Variants in ARHGAP31 observed in about 807,000 individuals in gnomAD.
ARHGAP31 encodes the protein Rho GTPase activating protein 31, also known as rho GTPase-activating protein 31.
A neutral mutation model predicts 113.9 loss-of-function variants in ARHGAP31; 34 were observed. The ratio of observed to expected loss-of-function variants is 0.30; its 90% CI spans 0.23 to 0.40. The LOEUF (loss-of-function observed/expected upper bound fraction) is 0.40. Among genes scored for constraint, ARHGAP31 ranks in the 10% least tolerant of loss-of-function variants. ARHGAP31 has a pLI of 1.00. For synonymous variants in ARHGAP31, 650 were observed against 684.8 expected, an observed-to-expected ratio of 0.95 and a Z score of 0.79; for missense variants, 1,548 against 1,767.1, an observed-to-expected ratio of 0.88 and a Z score of 2.22.
At chr3:119,377,752 CTT>C (rs5852201) in intron 3 of ARHGAP31, among the ~76,000 whole-genome samples, 17 of 141,472 alleles carry the variant, frequency 1.2e-4, no homozygotes, top group Admixed American at 1.4e-4. Flanking sequence ...GGATGCTTTC[CTT>C]TTTTTTTTTT....
intron 9 of ARHGAP31, among the ~76,000 whole-genome samples, chr3:119,400,646 G>A (rs2080595217): frequency 6.6e-6 from 1 of 152,086 alleles, no homozygotes; most frequent in Admixed American, 6.5e-5. Flanking sequence ...CATGGCATGT[G>A]AGTATTAGGT....
intron 1 of ARHGAP31, among the ~76,000 whole-genome samples, chr3:119,321,797 C>T (rs1292863313): frequency 6.6e-6 from 1 of 152,136 alleles, no homozygotes; most frequent in Non-Finnish European, 1.5e-5. Flanking sequence ...TATAGGCCCA[C>T]ACCACCACGC....
intron 1 of ARHGAP31, among the ~76,000 whole-genome samples, chr3:119,348,296 A>C (rs1014891974): frequency 1.3e-5 from 2 of 152,238 alleles, no homozygotes; most frequent in Non-Finnish European, 1.5e-5. Context: ...AGTACACAAT[A>C]AAGGTAATGT....
chr3:119,416,501 G>C lies in ARHGAP31; in HGVS notation c.*237G>C, dbSNP rs1265673701. ...TATGTGAGCAAGTGAGAGAAGGTTAGGTAAGGGGAGAGGATGGAATGCTTG... is the reference window on the plus strand; with the variant it reads ...TATGTGAGCAAGTGAGAGAAGGTTACGTAAGGGGAGAGGATGGAATGCTTG... On this transcript the variant is annotated 3_prime_UTR_variant, in exon 12 of 12. Transcript: ENST00000264245. 1 of 565,538 alleles carries C rather than the reference G, an allele frequency of 1.8e-6. No homozygotes were observed. The highest frequency in any genetic ancestry group is 3.1e-6 in the Non-Finnish European group (1 of 321,142). 35.0% of individuals were successfully genotyped at this position (565,538 alleles called of 1,614,324 possible).
intron 8 of ARHGAP31, among the ~76,000 whole-genome samples, chr3:119,397,659 C>T (rs993265224): frequency 1.3e-5 from 2 of 152,232 alleles, no homozygotes; most frequent in African/African-American, 4.8e-5. Flanking sequence ...AAGCCTCAAG[C>T]TGGGAGACCA....
At chr3:119,356,518 C>T (rs1380000060) in intron 1 of ARHGAP31, among the ~76,000 whole-genome samples, 1 of 151,902 alleles carries the variant, frequency 6.6e-6, no homozygotes, top group Non-Finnish European at 1.5e-5. Context: ...GTAATCCCAG[C>T]TACTCAGGAG....
At chr3:119,320,442 A>C (rs2079772229) in intron 1 of ARHGAP31, among the ~76,000 whole-genome samples, 1 of 152,220 alleles carries the variant, frequency 6.6e-6, no homozygotes, top group African/African-American at 2.4e-5. Context: ...TGGTATCAAC[A>C]ACCTTGGGCC....
Position 119,402,126 on chromosome 3 carries a change from C to G in ARHGAP31, c.1374C>G (p.Asn458Lys). The change falls in exon 10 of 12, where the codon AAC becomes AAG. Residue 458 changes from asparagine to lysine, a missense_variant. Coordinates refer to ENST00000264245, the MANE Select transcript of ARHGAP31 (RefSeq NM_020754.4). The part of the protein sequence containing the change: ...PKMLGMFYTS[N>K]DSPSKSVFTS... ...TGTTGGGTATGTTCTACACTTCGAA[C>G]GACAGCCCTAGCAAATCCGTCTTCA... 1 of 1,614,242 alleles carries G rather than the reference C, an allele frequency of 6.2e-7. No individual in the cohort carries two copies. Among genetic ancestry groups the G allele is most frequent in the Non-Finnish European group, 8.5e-7 (1 of 1,180,044 alleles).
At chr3:119,398,679 A>G (rs1168490941) in intron 8 of ARHGAP31, among the ~76,000 whole-genome samples, 2 of 152,220 alleles carry the variant, frequency 1.3e-5, no homozygotes, top group East Asian at 3.8e-4. Flanking sequence ...CTAATGGGTG[A>G]GATCACTGGG....
intron 1 of ARHGAP31, among the ~76,000 whole-genome samples, chr3:119,332,810 G>C (rs2079907098): frequency 6.6e-6 from 1 of 152,064 alleles, no homozygotes; most frequent in African/African-American, 2.4e-5. Flanking sequence ...CATGGTCTTT[G>C]TCCCTGACTT....
Position 119,390,843 on chromosome 3 carries a change from G to T in ARHGAP31, c.741G>T (p.Leu247=). ...TLPALSLPMK[L]VSLEEAQARS... Reference sequence around the variant, plus strand: ...CAGCCCTCTCCCTGCCCATGAAGCTGGTGAGCCTTGAGGAAGCTCAAGCCC... The same window carrying T: ...CAGCCCTCTCCCTGCCCATGAAGCTTGTGAGCCTTGAGGAAGCTCAAGCCC... The change falls in exon 7 of 12, where the codon CTG becomes CTT. Residue 247 remains leucine (L), a synonymous_variant. Transcript: ENST00000264245. The T allele has an allele frequency of 6.2e-7, 1 of 1,613,766 alleles. No individual in the cohort carries two copies. The highest frequency in any genetic ancestry group is 8.5e-7 in the Non-Finnish European group (1 of 1,180,036).
At chr3:119,337,084 G>T (rs1166140734) in intron 1 of ARHGAP31, among the ~76,000 whole-genome samples, 1 of 152,086 alleles carries the variant, frequency 6.6e-6, no homozygotes, top group Non-Finnish European at 1.5e-5. Flanking sequence ...TCCACTTTTT[G>T]GCTGTTGTGA....
At chr3:119,359,220 A>G (rs931478832) in intron 1 of ARHGAP31, among the ~76,000 whole-genome samples, 3 of 151,838 alleles carry the variant, frequency 2.0e-5, no homozygotes, top group Non-Finnish European at 2.9e-5. Flanking sequence ...GTTTCACTGT[A>G]TTGGGTAGGC....
rs1420736777 is a variant in ARHGAP31 at position 119,416,468 on chromosome 3, G to A, written c.*204G>A. ...AGGGAAAAACGAGAGATGAAATTTA[G>A]TTAAGTCTATGTGAGCAAGTGAGAG... On this transcript the variant is annotated 3_prime_UTR_variant, in exon 12 of 12. Transcript: ENST00000264245. 1.4e-6 allele frequency: 1 copy of A among 712,766 alleles called. No homozygotes were observed. 44.2% of individuals were successfully genotyped at this position (712,766 alleles called of 1,614,324 possible). A position where few individuals can be genotyped will look rare whatever the true frequency, so the allele number is the denominator to read the frequency against.
chr3:119,415,520 C>T lies in ARHGAP31; in HGVS notation c.3591C>T (p.Ala1197=), dbSNP rs770517816. Reference sequence around the variant, plus strand: ...CCTTCATGGTCAAAATGTGCCAGGCCAGGGCGGTCCCAGTCATCCCTCCCA... The same window carrying T: ...CCTTCATGGTCAAAATGTGCCAGGCTAGGGCGGTCCCAGTCATCCCTCCCA... ...RTSFMVKMCQ[A]RAVPVIPPKI... The change falls in exon 12 of 12, where the codon GCC becomes GCT. Residue 1197 remains alanine (A), a synonymous_variant. Transcript: ENST00000264245. 8 of 1,613,952 alleles carry T rather than the reference C, an allele frequency of 5.0e-6. No individual in the cohort carries two copies. The highest frequency in any genetic ancestry group is 2.2e-5 in the East Asian group (1 of 44,886).
At chr3:119,368,798 C>T (rs1273152056) in intron 3 of ARHGAP31, among the ~76,000 whole-genome samples, 1 of 152,142 alleles carries the variant, frequency 6.6e-6, no homozygotes, top group African/African-American at 2.4e-5. Flanking sequence ...AGGGAGGAAA[C>T]TGAGAACCCC....
chr3:119,300,421 G>A (rs1370609996), intron 1 of ARHGAP31, among the ~76,000 whole-genome samples: 10 of 152,174 alleles, frequency 6.6e-5, no homozygotes, highest in Admixed American at 6.5e-4. Flanking sequence ...TTGCCCTACT[G>A]AATGAAGAAG....
intron 1 of ARHGAP31, among the ~76,000 whole-genome samples, chr3:119,338,784 T>C (rs1577001853): frequency 6.6e-6 from 1 of 152,346 alleles, no homozygotes; most frequent in East Asian, 1.9e-4. Flanking sequence ...TTACTGAACA[T>C]AAATCCATTC....
Position 119,416,579 on chromosome 3 carries a change from A to G in ARHGAP31, c.*315A>G. 1 of 403,266 alleles carries G rather than the reference A, an allele frequency of 2.5e-6. No individual in the cohort carries two copies. The highest frequency in any genetic ancestry group is 3.6e-5 in the Admixed American group (1 of 27,628). The allele number at this position is 403,266 out of a possible 1,614,324, so 25.0% of individuals were successfully genotyped here. A position where few individuals can be genotyped will look rare whatever the true frequency, so the allele number is the denominator to read the frequency against. ...TGAGTCAGATTGCTCCCCTATTGCTATTATCTATTACTCTTGAGAGCTGGC... is the reference window on the plus strand; with the variant it reads ...TGAGTCAGATTGCTCCCCTATTGCTGTTATCTATTACTCTTGAGAGCTGGC... On this transcript the variant is annotated 3_prime_UTR_variant, in exon 12 of 12. Transcript: ENST00000264245.
Sources: allele counts gnomAD v4.1 joint callset (sites outside exome capture counted in the v4.1 genomes callset), GRCh38; gene constraint gnomAD v4.1.1; transcripts MANE v1.5; gene names NCBI Gene and HGNC (gene_info 2026-07-23, HGNC 2026-07-21).